Variants in BCAS4 observed in about 807,000 individuals in gnomAD.
BCAS4 encodes the protein breast carcinoma-amplified sequence 4.
In BCAS4, 9 loss-of-function variants were observed where a neutral mutation model predicts 15.7. The ratio of observed to expected loss-of-function variants is 0.57; its 90% CI spans 0.34 to 1.00. The LOEUF (loss-of-function observed/expected upper bound fraction) is 1.00, where lower values mean the gene tolerates loss of function less well. Ranked by LOEUF, BCAS4 falls within the 50% of genes least tolerant of loss-of-function variation. The pLI is 0.02. For synonymous variants in BCAS4, 101 were observed against 99.5 expected (o/e 1.02, Z -0.09); for missense variants, 225 against 239.1 (o/e 0.94, Z 0.39).
intron 3 of BCAS4, among the ~76,000 whole-genome samples, chr20:50,831,788 G>C (rs574497346): frequency 2.0e-5 from 3 of 152,308 alleles, no homozygotes; most frequent in Admixed American, 1.3e-4. Context: ...GCTGAGAGGA[G>C]CTTGCGGTTG....
chr20:50,824,672 T>C (rs748257466), intron 2 of BCAS4, among the ~76,000 whole-genome samples: 1 of 152,218 alleles, frequency 6.6e-6, no homozygotes, highest in Non-Finnish European at 1.5e-5. Flanking sequence ...AGTGCTCCTC[T>C]GGGTAGCTAT....
chr20:50,798,886 AT>A (rs933855042), intron 1 of BCAS4, among the ~76,000 whole-genome samples: 12 of 152,104 alleles, frequency 7.9e-5, no homozygotes, highest in African/African-American at 2.9e-4. Context: ...TGTTATGTTG[AT>A]TTTATAGGTC....
intron 2 of BCAS4, among the ~76,000 whole-genome samples, chr20:50,820,979 A>G (rs1355037348): frequency 2.0e-5 from 3 of 152,182 alleles, no homozygotes; most frequent in African/African-American, 7.2e-5. Context: ...TTCTCTCAGA[A>G]AAGCAAAGAT....
intron 4 of BCAS4, among the ~76,000 whole-genome samples, chr20:50,866,539 C>T (rs1600902433): frequency 6.6e-6 from 1 of 152,232 alleles, no homozygotes; most frequent in East Asian, 1.9e-4. Flanking sequence ...CATCCCAGTT[C>T]TTCACTGTTG....
chr20:50,864,063 G>A (rs77550354), intron 4 of BCAS4, among the ~76,000 whole-genome samples: 14 of 152,256 alleles, frequency 9.2e-5, no homozygotes, highest in Admixed American at 5.9e-4. Flanking sequence ...CATCTGTGGC[G>A]CCTTCCTCGA....
chr20:50,819,391 C>T (rs1336955187), intron 2 of BCAS4, among the ~76,000 whole-genome samples: 2 of 152,072 alleles, frequency 1.3e-5, no homozygotes, highest in Non-Finnish European at 2.9e-5. Context: ...CTGTGTCTCC[C>T]CAGAGTGGAG....
At chr20:50,859,541 G>A (rs1253864977) in intron 4 of BCAS4, among the ~76,000 whole-genome samples, 1 of 128,612 alleles carries the variant, frequency 7.8e-6, no homozygotes, top group African/African-American at 3.7e-5. Flanking sequence ...TGCTCTGGGG[G>A]AGGGAAGAAG....
chr20:50,801,814 G>T (rs1260894446), intron 1 of BCAS4, among the ~76,000 whole-genome samples: 1 of 152,180 alleles, frequency 6.6e-6, no homozygotes, highest in East Asian at 1.9e-4. Flanking sequence ...CACCTGAGGG[G>T]TGATAGGGAC....
intron 4 of BCAS4, among the ~76,000 whole-genome samples, chr20:50,860,997 GA>G (rs200476021): frequency 0.052 from 7,008 of 133,704 alleles, 322 homozygotes; most frequent in East Asian, 0.19. Flanking sequence ...CCGGTCTCTG[GA>G]AAAAAAAAAA....
At chr20:50,825,446 G>A (rs2088268181) in intron 2 of BCAS4, among the ~76,000 whole-genome samples, 1 of 152,198 alleles carries the variant, frequency 6.6e-6, no homozygotes, top group African/African-American at 2.4e-5. Flanking sequence ...GGGCCTTTCA[G>A]CCCCTAGGAT....
chr20:50,881,469 C>T (rs1009230143), downstream of BCAS4: 1 of 152,090 alleles, frequency 6.6e-6, no homozygotes, highest in African/African-American at 2.4e-5. Context: ...AAGGGATAAT[C>T]TCCCTAAAAA....
chr20:50,806,641 C>T (rs895892400), intron 1 of BCAS4, among the ~76,000 whole-genome samples: 13 of 152,110 alleles, frequency 8.5e-5, no homozygotes, highest in African/African-American at 3.1e-4. Context: ...TCTAGAGCCT[C>T]GCTCACTGGC....
chr20:50,825,388 T>C (rs527371260), intron 2 of BCAS4, among the ~76,000 whole-genome samples: 1 of 152,168 alleles, frequency 6.6e-6, no homozygotes, highest in East Asian at 1.9e-4. Flanking sequence ...GGCCCTAAAG[T>C]TTCTTTTATG....
chr20:50,862,078 A>G (rs1204086171), intron 4 of BCAS4, among the ~76,000 whole-genome samples: 1 of 151,250 alleles, frequency 6.6e-6, no homozygotes. Context: ...GCCCGGCTGG[A>G]TTCTTGAATT....
chr20:50,835,867 C>T (rs2088402379), intron 3 of BCAS4, among the ~76,000 whole-genome samples: 1 of 151,906 alleles, frequency 6.6e-6, no homozygotes, highest in African/African-American at 2.4e-5. Context: ...AGTGAGGTCC[C>T]AAGAGGGCCA....
At chr20:50,803,314 A>G (rs1393912296) in intron 1 of BCAS4, among the ~76,000 whole-genome samples, 1 of 152,260 alleles carries the variant, frequency 6.6e-6, no homozygotes, top group Non-Finnish European at 1.5e-5. Flanking sequence ...GCCCATGCAC[A>G]GCAGCGTTCA....
At chr20:50,823,425 G>A (rs1600861892) in intron 2 of BCAS4, among the ~76,000 whole-genome samples, 1 of 152,086 alleles carries the variant, frequency 6.6e-6, no homozygotes, top group Non-Finnish European at 1.5e-5. Context: ...AATGAGTAAA[G>A]CAATTATTGA....
At chr20:50,842,101 A>G (rs8117696) in intron 4 of BCAS4, among the ~76,000 whole-genome samples, 25,502 of 152,158 alleles carry the variant, frequency 0.17, 2,384 homozygotes, top group African/African-American at 0.24. Flanking sequence ...TCGTGTGCTC[A>G]TGTACCATTT....
chr20:50,868,261 C>A (rs73615350), intron 4 of BCAS4, among the ~76,000 whole-genome samples: 1 of 152,144 alleles, frequency 6.6e-6, no homozygotes, highest in African/African-American at 2.4e-5. Context: ...CTTTCCATAC[C>A]CTGCTCTTTG....
Sources: gnomAD v4.1 joint callset for allele counts (sites outside exome capture counted in the v4.1 genomes callset) on GRCh38, gnomAD v4.1.1 for gene constraint, MANE v1.5 for transcripts, NCBI Gene and HGNC (gene_info 2026-07-23, HGNC 2026-07-21) for gene names.